Variants in PRELID2 observed in about 807,000 individuals in gnomAD.
The protein encoded by PRELID2 is PRELI domain containing 2, also known as PRELI domain-containing protein 2.
A neutral mutation model predicts 28.4 loss-of-function variants in PRELID2; 25 were observed. That is an observed-to-expected ratio of 0.88 (90% confidence interval 0.64 to 1.23). The LOEUF is 1.23. Ranked by LOEUF, PRELID2 falls within the 50% of genes most tolerant of loss-of-function variation. The pLI is 0.00. For synonymous variants in PRELID2, 76 were observed against 71.6 expected, an observed-to-expected ratio of 1.06 and a Z score of -0.31; for missense variants, 201 against 214.4, an observed-to-expected ratio of 0.94 and a Z score of 0.39.
chr5:145,421,889 T>C, the PRELID2 span, among the ~76,000 whole-genome samples: 5 of 151,352 alleles, frequency 3.3e-5, no homozygotes, highest in African/African-American at 1.2e-4. Context: ...AATTTCCCTC[T>C]ACACACTGCT....
intron 1 of PRELID2, among the ~76,000 whole-genome samples, chr5:145,509,207 T>C (rs1338423585): frequency 6.6e-6 from 1 of 152,334 alleles, no homozygotes; most frequent in Non-Finnish European, 1.5e-5. Context: ...GTGTTGAATA[T>C]GTACTGTGAG....
chr5:145,294,470 T>C, the PRELID2 span, among the ~76,000 whole-genome samples: 1 of 152,190 alleles, frequency 6.6e-6, no homozygotes, highest in Non-Finnish European at 1.5e-5. Context: ...GTATCCACAC[T>C]GTACACAGCT....
chr5:145,272,989 A>G, the PRELID2 span, among the ~76,000 whole-genome samples: 2 of 152,128 alleles, frequency 1.3e-5, no homozygotes, highest in Admixed American at 1.3e-4. Flanking sequence ...AATACAGAGT[A>G]GCAGCAGGTG....
At chr5:145,806,818 C>G (rs1036776147) in intron 4 of PRELID2, among the ~76,000 whole-genome samples, 5 of 152,148 alleles carry the variant, frequency 3.3e-5, no homozygotes, top group African/African-American at 1.2e-4. Flanking sequence ...CACTCTATCT[C>G]TCTCCCGCCA....
chr5:145,567,808 T>C (rs1220353647), intron 1 of PRELID2, among the ~76,000 whole-genome samples: 6 of 152,208 alleles, frequency 3.9e-5, no homozygotes, highest in Non-Finnish European at 8.8e-5. Flanking sequence ...TCCCCAGCCA[T>C]GTGGAACTGC....
the PRELID2 span, among the ~76,000 whole-genome samples, chr5:145,454,248 C>A: frequency 5.9e-5 from 9 of 152,102 alleles, no homozygotes; most frequent in Non-Finnish European, 1.3e-4. Flanking sequence ...GCTAAAAATT[C>A]TCAATAAATT....
At chr5:145,576,775 G>A (rs1031777591) in intron 1 of PRELID2, among the ~76,000 whole-genome samples, 2 of 151,956 alleles carry the variant, frequency 1.3e-5, no homozygotes, top group African/African-American at 4.8e-5. Context: ...CTAGTTAACA[G>A]CAATTTATTA....
intron 1 of PRELID2, among the ~76,000 whole-genome samples, chr5:145,498,491 C>A (rs1386356728): frequency 6.6e-6 from 1 of 151,898 alleles, no homozygotes; most frequent in Admixed American, 6.6e-5. Flanking sequence ...GAGAACTTGT[C>A]TCTCTCTGTT....
At chr5:145,267,480 C>T in the PRELID2 span, among the ~76,000 whole-genome samples, 1 of 152,158 alleles carries the variant, frequency 6.6e-6, no homozygotes, top group Non-Finnish European at 1.5e-5. Flanking sequence ...TTGCAAATGA[C>T]AGACTCTCAT....
downstream of PRELID2, among the ~76,000 whole-genome samples, chr5:145,752,178 A>G (rs13160306): frequency 2.6e-3 from 392 of 152,344 alleles, 2 homozygotes; most frequent in African/African-American, 8.7e-3. Context: ...ACTTCTCTGC[A>G]AAACCCTTTC....
chr5:145,792,751 A>G (rs1297446762), intron 5 of PRELID2, among the ~76,000 whole-genome samples: 2 of 152,358 alleles, frequency 1.3e-5, no homozygotes. Context: ...AACCATAAAA[A>G]GAAAATATGT....
intron 1 of PRELID2, among the ~76,000 whole-genome samples, chr5:145,709,458 T>C (rs890631646): frequency 6.6e-6 from 1 of 152,052 alleles, no homozygotes; most frequent in Non-Finnish European, 1.5e-5. Context: ...CAGTTATACA[T>C]CAGAATTGCT....
intron 1 of PRELID2, among the ~76,000 whole-genome samples, chr5:145,731,767 C>G (rs1011223129): frequency 3.3e-5 from 5 of 152,184 alleles, no homozygotes; most frequent in African/African-American, 1.2e-4. Flanking sequence ...AAAGGTCTAC[C>G]TTTCCCTCTC....
the PRELID2 span, among the ~76,000 whole-genome samples, chr5:145,384,247 T>C: frequency 2.6e-5 from 4 of 152,182 alleles, no homozygotes; most frequent in Admixed American, 6.5e-5. Flanking sequence ...ACCAACCTGT[T>C]TCACATAGGC....
At chr5:145,731,929 G>A (rs992797479) in intron 1 of PRELID2, among the ~76,000 whole-genome samples, 1 of 152,170 alleles carries the variant, frequency 6.6e-6, no homozygotes, top group African/African-American at 2.4e-5. Context: ...ATAGTTCAAT[G>A]AGGAAAGTAA....
At chr5:145,436,563 C>T in the PRELID2 span, among the ~76,000 whole-genome samples, 1 of 152,122 alleles carries the variant, frequency 6.6e-6, no homozygotes, top group Non-Finnish European at 1.5e-5. Flanking sequence ...ATAAGCATTC[C>T]CTTTTCTCCT....
the PRELID2 span, among the ~76,000 whole-genome samples, chr5:145,436,494 G>A: frequency 6.6e-6 from 1 of 152,136 alleles, no homozygotes; most frequent in African/African-American, 2.4e-5. Context: ...AATTTCTTTA[G>A]AAATTGCTAA....
chr5:145,583,492 C>T (rs562830559), intron 1 of PRELID2, among the ~76,000 whole-genome samples: 1 of 152,076 alleles, frequency 6.6e-6, no homozygotes, highest in African/African-American at 2.4e-5. Context: ...AAAGAGAGGA[C>T]ATCAAATTAT....
the PRELID2 span, among the ~76,000 whole-genome samples, chr5:145,335,629 A>T: frequency 1.3e-5 from 2 of 152,200 alleles, no homozygotes; most frequent in African/African-American, 4.8e-5. Context: ...AAAGGGAAAA[A>T]TTTAAAAATA....
Sources: allele counts gnomAD v4.1 joint callset (sites outside exome capture counted in the v4.1 genomes callset), GRCh38; gene constraint gnomAD v4.1.1; transcripts MANE v1.5; gene names NCBI Gene and HGNC (gene_info 2026-07-23, HGNC 2026-07-21).